The following NMBR variants were observed in gnomAD, a reference collection of about 807,000 sequenced individuals.
The protein encoded by NMBR is neuromedin-B receptor.
A neutral mutation model predicts 20.5 loss-of-function variants in NMBR; 16 were observed. That is an observed-to-expected ratio of 0.78 (90% CI 0.53 to 1.19). NMBR has a LOEUF of 1.19. NMBR is among the 50% of genes most tolerant of loss of function. The pLI, the probability that NMBR is intolerant of heterozygous loss-of-function variation, is 0.00. For synonymous variants in NMBR, 212 were observed against 196.6 expected, an observed-to-expected ratio of 1.08 and a Z score of -0.65; for missense variants, 582 against 499.1, an observed-to-expected ratio of 1.17 and a Z score of -1.58.
chr6:142,080,477 A>C (rs1582835458), intron 2 of NMBR, among the ~76,000 whole-genome samples: 2 of 151,680 alleles, frequency 1.3e-5, no homozygotes, highest in Admixed American at 1.3e-4. Flanking sequence ...AGCCTAGCTA[A>C]TTTTTGTATT....
chr6:142,136,764 A>C (rs1355828214), intron 1 of NMBR, among the ~76,000 whole-genome samples: 4 of 152,126 alleles, frequency 2.6e-5, no homozygotes. Context: ...TCCTTTCCCC[A>C]TTGTTTGTTT....
chr6:142,088,195 C>T (rs1435232511), intron 2 of NMBR, 42 bp downstream of exon 2: 15 of 1,586,598 alleles, frequency 9.5e-6, no homozygotes, highest in Non-Finnish European at 1.3e-5. Flanking sequence ...TCGCCCCTCT[C>T]CACGACTTTT....
At chr6:142,092,627 T>TC (rs991171500) in intron 1 of NMBR, among the ~76,000 whole-genome samples, 2 of 152,244 alleles carry the variant, frequency 1.3e-5, no homozygotes, top group East Asian at 3.9e-4. Context: ...AAAACAGTGA[T>TC]CCCTAAGACA....
intron 1 of NMBR, among the ~76,000 whole-genome samples, chr6:142,089,671 A>G (rs1293153372): frequency 6.6e-6 from 1 of 151,914 alleles, no homozygotes; most frequent in African/African-American, 2.4e-5. Context: ...AGGTTCTTTC[A>G]CTCGACACCA....
At chr6:142,080,693 C>A (rs1258281322) in intron 2 of NMBR, among the ~76,000 whole-genome samples, 10 of 152,130 alleles carry the variant, frequency 6.6e-5, no homozygotes, top group Non-Finnish European at 1.5e-5. Flanking sequence ...GTGCTGTAAT[C>A]TCTCCCAATA....
At chr6:142,143,534 T>C (rs2114617103) in intron 1 of NMBR, among the ~76,000 whole-genome samples, 1 of 152,346 alleles carries the variant, frequency 6.6e-6, no homozygotes, top group Admixed American at 6.5e-5. Context: ...TCCACTCTCC[T>C]CGGCTTCCCA....
chr6:142,123,474 C>T, intron 1 of NMBR, among the ~76,000 whole-genome samples: 1 of 151,920 alleles, frequency 6.6e-6, no homozygotes. Flanking sequence ...AGATTGGCTC[C>T]AATTTTGAAA....
intron 1 of NMBR, among the ~76,000 whole-genome samples, chr6:142,099,764 G>A (rs1028253677): frequency 4.6e-5 from 7 of 152,106 alleles, no homozygotes; most frequent in African/African-American, 1.4e-4. Flanking sequence ...AAGACAATAA[G>A]CAGGCTAAAG....
intron 1 of NMBR, among the ~76,000 whole-genome samples, chr6:142,096,569 G>C (rs1777456724): frequency 6.6e-6 from 1 of 152,106 alleles, no homozygotes; most frequent in Non-Finnish European, 1.5e-5. Context: ...TTTTACATTT[G>C]CTGAGGAGGG....
intron 1 of NMBR, among the ~76,000 whole-genome samples, chr6:142,108,944 C>T (rs1474527366): frequency 6.6e-6 from 1 of 152,126 alleles, no homozygotes; most frequent in African/African-American, 2.4e-5. Flanking sequence ...AATGAGAGTA[C>T]CGGCATTGGA....
chr6:142,138,723 C>A (rs1485511438), intron 1 of NMBR, among the ~76,000 whole-genome samples: 2 of 152,172 alleles, frequency 1.3e-5, no homozygotes, highest in African/African-American at 4.8e-5. Context: ...GACAAACATA[C>A]ACATTTTCAT....
intron 1 of NMBR, among the ~76,000 whole-genome samples, chr6:142,136,977 G>A (rs186293476): frequency 6.6e-6 from 1 of 152,040 alleles, no homozygotes; most frequent in Non-Finnish European, 1.5e-5. Context: ...TTGGTGATGT[G>A]GGCTCTTTTT....
chr6:142,091,147 A>G (rs1275131221), intron 1 of NMBR, among the ~76,000 whole-genome samples: 5 of 152,248 alleles, frequency 3.3e-5, no homozygotes, highest in Non-Finnish European at 7.3e-5. Context: ...ACAAAATTAC[A>G]TATAAGAACA....
chr6:142,146,638 T>C (rs577601327), intron 1 of NMBR, among the ~76,000 whole-genome samples: 1 of 152,344 alleles, frequency 6.6e-6, no homozygotes, highest in Non-Finnish European at 1.5e-5. Flanking sequence ...TACAGATTAT[T>C]CATTCACTAA....
At chr6:142,096,962 A>C (rs1406385824) in intron 1 of NMBR, among the ~76,000 whole-genome samples, 1 of 151,902 alleles carries the variant, frequency 6.6e-6, no homozygotes, top group African/African-American at 2.4e-5. Context: ...TTGTTGGTTT[A>C]AAGTCTGTTT....
chr6:142,129,775 C>T (rs765040959), intron 1 of NMBR, among the ~76,000 whole-genome samples: 2 of 152,114 alleles, frequency 1.3e-5, no homozygotes, highest in Non-Finnish European at 2.9e-5. Context: ...AGTTGGTCCA[C>T]GGTCTCATTA....
At position 142,075,917 on chromosome 6, in the gene NMBR, G is replaced by A. The variant is rs1373578736; in HGVS notation, c.904C>T (p.His302Tyr). 1.2e-6 allele frequency: 2 copies of A among 1,614,014 alleles called. No individual in the cohort carries two copies. Among genetic ancestry groups the A allele is most frequent in the Admixed American group, 3.3e-5 (2 of 59,994 alleles). ...CGGGCAACTAAGGTGACAATCATGTGGCCTAGAGATGGATCAATCTCATTA... is the reference window on the plus strand; with the variant it reads ...CGGGCAACTAAGGTGACAATCATGTAGCCTAGAGATGGATCAATCTCATTA... ...NYNEIDPSLG[H>Y]MIVTLVARVL... The change falls in exon 4 of 4, where the codon CAC becomes TAC. Residue 302 changes from histidine (H) to tyrosine (Y), a missense_variant. Coordinates refer to ENST00000258042, the MANE Select transcript of NMBR (RefSeq NM_002511.4).
chr6:142,110,746 G>T (rs1777748163), intron 1 of NMBR, among the ~76,000 whole-genome samples: 1 of 152,068 alleles, frequency 6.6e-6, no homozygotes, highest in African/African-American at 2.4e-5. Flanking sequence ...ATCAACAAAG[G>T]TGTTAACTAA....
intron 2 of NMBR, among the ~76,000 whole-genome samples, chr6:142,085,478 C>T (rs1777182904): frequency 2.0e-5 from 3 of 151,958 alleles, no homozygotes; most frequent in Non-Finnish European, 2.9e-5. Flanking sequence ...GAGCCGAGAT[C>T]GCACCCCTAC....
Sources: gnomAD v4.1 joint callset for allele counts (sites outside exome capture counted in the v4.1 genomes callset) on GRCh38, gnomAD v4.1.1 for gene constraint, MANE v1.5 for transcripts, NCBI Gene and HGNC (gene_info 2026-07-23, HGNC 2026-07-21) for gene names.